Variants in ERICH2 observed in about 807,000 individuals in gnomAD.
ERICH2 encodes glutamate rich 2.
Under a neutral mutation model 17.4 loss-of-function variants are expected in ERICH2, and 17 were observed. The observed-to-expected ratio is 0.98, with a 90% CI of 0.67 to 1.47. The LOEUF is 1.47. Ranked by LOEUF, ERICH2 falls within the 40% of genes most tolerant of loss-of-function variation. The pLI is 0.00. For missense variants in ERICH2, 186 were observed against 183.2 expected (o/e 1.01, Z -0.09); for synonymous variants, 51 against 61.1 (o/e 0.83, Z 0.77).
the ERICH2 span, chr2:170,777,441 C>T: frequency 8.3e-7 from 1 of 1,209,498 alleles, no homozygotes; most frequent in Non-Finnish European, 1.0e-6. Context: ...TGATTTATTA[C>T]TTTGAAAGAA....
chr2:170,784,838 G>A lies in ERICH2; in HGVS notation c.216+5G>A. On this transcript the variant is annotated splice_donor_5th_base_variant and intron_variant, in intron 2 of 4. Transcript: ENST00000409885. ...CCACTAGAGTTAATGGCAGAAGTAA[G>A]TTTTACTTGTGCATATAATTGAAGA... The A allele has an allele frequency of 6.9e-7, 1 of 1,442,452 alleles. No homozygotes were observed. Among genetic ancestry groups the A allele is most frequent in the East Asian group, 2.6e-5 (1 of 38,692 alleles). The allele number at this position is 1,442,452 out of a possible 1,614,324, so 89.4% of individuals were successfully genotyped here. A position where few individuals can be genotyped will look rare whatever the true frequency, so the allele number is the denominator to read the frequency against.
chr2:170,782,534 T>C (rs1455138986), upstream of ERICH2: 1 of 183,656 alleles, frequency 5.4e-6, no homozygotes, highest in Non-Finnish European at 1.0e-5. Flanking sequence ...TGTAGGTGAT[T>C]CTTATATTCA....
the ERICH2 span, among the ~76,000 whole-genome samples, chr2:170,774,364 A>T: frequency 6.6e-6 from 1 of 152,058 alleles, no homozygotes; most frequent in Admixed American, 6.5e-5. Context: ...TCCTTCCTAT[A>T]TGCCAGGCTC....
At chr2:170,780,618 A>G (rs911550278), upstream of ERICH2, among the ~76,000 whole-genome samples, 4 of 152,230 alleles carry the variant, frequency 2.6e-5, no homozygotes, top group South Asian at 2.1e-4. Flanking sequence ...CAGTGAATAT[A>G]TAAGTGCCAT....
intron 2 of ERICH2, among the ~76,000 whole-genome samples, chr2:170,791,181 C>A (rs1038421961): frequency 2.6e-5 from 4 of 152,000 alleles, no homozygotes; most frequent in African/African-American, 9.7e-5. Flanking sequence ...TATAAGAATT[C>A]TATTGCATGA....
At chr2:170,773,799 C>A in the ERICH2 span, among the ~76,000 whole-genome samples, 1 of 152,210 alleles carries the variant, frequency 6.6e-6, no homozygotes, top group African/African-American at 2.4e-5. Flanking sequence ...AATCATAGCT[C>A]ATTGTAACCT....
intron 2 of ERICH2, 82 bp downstream of exon 7, chr2:170,784,915 T>C: frequency 2.0e-5 from 23 of 1,159,456 alleles, no homozygotes; most frequent in South Asian, 2.5e-5. Context: ...ATCACTACTG[T>C]GAGAACTAAA....
intron 2 of ERICH2, among the ~76,000 whole-genome samples, chr2:170,791,520 T>G (rs2105712147): frequency 3.8e-5 from 1 of 26,382 alleles, no homozygotes. Context: ...TGAAACCCCG[T>G]CTCTACTAAA....
At chr2:170,784,681 G>A (rs147112261) in exon 2 of ERICH2, 313 of 1,539,048 alleles carry the variant, frequency 2.0e-4, no homozygotes, top group Non-Finnish European at 2.5e-4. Context: ...TGTAAAGCAG[G>A]AGAAAAATAA....
chr2:170,796,452 T>TTTTTTTTTTTTTTTTC (rs373654461), intron 3 of ERICH2, among the ~76,000 whole-genome samples: 1 of 138,332 alleles, frequency 7.2e-6, no homozygotes. Flanking sequence ...TTTTTTTTTT[T>TTTTTTTTTTTTTTTTC]TGAGACAGCG....
upstream of ERICH2, among the ~76,000 whole-genome samples, chr2:170,781,342 A>G (rs1046277900): frequency 1.3e-5 from 2 of 152,188 alleles, no homozygotes; most frequent in African/African-American, 4.8e-5. Context: ...CCTCAAAAAA[A>G]GAGACTTGGG....
chr2:170,798,782 A>G, exon 5 of ERICH2: 3 of 1,550,652 alleles, frequency 1.9e-6, no homozygotes, highest in Non-Finnish European at 2.6e-6. Context: ...AAAACTCAGA[A>G]TCATGAGCAA....
chr2:170,784,721 A>C, exon 2 of ERICH2: 1 of 1,546,706 alleles, frequency 6.5e-7, no homozygotes, highest in Non-Finnish European at 8.7e-7. Flanking sequence ...ATTGATGATA[A>C]ATTGTCAGAA....
intron 2 of ERICH2, among the ~76,000 whole-genome samples, chr2:170,787,144 T>C (rs1353818805): frequency 1.3e-5 from 2 of 152,096 alleles, no homozygotes; most frequent in Admixed American, 6.5e-5. Flanking sequence ...ACCCTTAAAC[T>C]CCTGGGCTCA....
intron 2 of ERICH2, among the ~76,000 whole-genome samples, chr2:170,788,540 C>T (rs928635547): frequency 2.0e-5 from 3 of 151,958 alleles, no homozygotes; most frequent in African/African-American, 2.4e-5. Context: ...GGCGTGATCT[C>T]GGCTCACTGC....
upstream of ERICH2, among the ~76,000 whole-genome samples, chr2:170,780,585 T>G (rs978176949): frequency 6.6e-6 from 1 of 152,228 alleles, no homozygotes; most frequent in Non-Finnish European, 1.5e-5. Context: ...ACTAGCTAAA[T>G]TCCTGTTTTA....
chr2:170,798,178 T>A, intron 4 of ERICH2, 66 bp downstream of exon 9: 1 of 1,067,850 alleles, frequency 9.4e-7, no homozygotes, highest in Non-Finnish European at 1.4e-6. Flanking sequence ...AAAAACCCAT[T>A]ATCCCGGGAG....
At chr2:170,798,181 C>A in intron 4 of ERICH2, 69 bp downstream of exon 9, 1 of 1,045,554 alleles carries the variant, frequency 9.6e-7, no homozygotes, top group Non-Finnish European at 1.4e-6. Context: ...AACCCATTAT[C>A]CCGGGAGATT....
chr2:170,781,527 G>C (rs908867736), upstream of ERICH2, among the ~76,000 whole-genome samples: 1 of 151,762 alleles, frequency 6.6e-6, no homozygotes, highest in Non-Finnish European at 1.5e-5. Flanking sequence ...CCAGCTACTA[G>C]AGAGGCTGAG....
Sources: allele counts gnomAD v4.1 joint callset (sites outside exome capture counted in the v4.1 genomes callset), GRCh38; gene constraint gnomAD v4.1.1; transcripts MANE v1.5; gene names NCBI Gene and HGNC (gene_info 2026-07-23, HGNC 2026-07-21).